ESR1: variants seen among roughly 807,000 people sequenced by gnomAD.
The protein encoded by ESR1 is estrogen receptor 1.
Under a neutral mutation model 52.7 loss-of-function variants are expected in ESR1, and 12 were observed. The ratio of observed to expected loss-of-function variants is 0.23; its 90% confidence interval spans 0.15 to 0.37. The LOEUF (loss-of-function observed/expected upper bound fraction) is 0.37. Ranked by LOEUF, ESR1 falls within the 10% of genes least tolerant of loss-of-function variation. The pLI is 1.00. For missense variants in ESR1, 584 were observed against 779.7 expected (o/e 0.75, Z 2.99); for synonymous variants, 305 against 316.8 (o/e 0.96, Z 0.39).
At chr6:151,848,230 A>G (rs1785516612) in intron 2 of ESR1, among the ~76,000 whole-genome samples, 1 of 106,444 alleles carries the variant, frequency 9.4e-6, no homozygotes, top group Admixed American at 9.6e-5. Context: ...TCGCAAGAAC[A>G]AAAAACCAAA....
intron 2 of ESR1, among the ~76,000 whole-genome samples, chr6:151,796,862 A>G (rs893374636): frequency 6.6e-6 from 1 of 152,220 alleles, no homozygotes; most frequent in Admixed American, 6.5e-5. Flanking sequence ...TTTGGAGTCA[A>G]CAGAAATCAT....
upstream of ESR1, among the ~76,000 whole-genome samples, chr6:151,801,612 T>C (rs374200248): frequency 6.6e-6 from 1 of 152,128 alleles, no homozygotes; most frequent in Non-Finnish European, 1.5e-5. Context: ...CTTGGAGAGA[T>C]AGTGGGAAAG....
intron 6 of ESR1, among the ~76,000 whole-genome samples, chr6:152,111,545 G>C (rs901771443): frequency 5.9e-5 from 9 of 152,226 alleles, no homozygotes; most frequent in Admixed American, 2.0e-4. Context: ...AGGTTTGTGA[G>C]CCGGTTAACA....
At chr6:151,672,245 A>G (rs1778088732) in intron 1 of ESR1, among the ~76,000 whole-genome samples, 1 of 152,136 alleles carries the variant, frequency 6.6e-6, no homozygotes, top group African/African-American at 2.4e-5. Context: ...GCCACATTGT[A>G]CCCAAAAATA....
chr6:152,069,770 GC>G (rs2048234388), intron 6 of ESR1, among the ~76,000 whole-genome samples: 1 of 136,994 alleles, frequency 7.3e-6, no homozygotes, highest in African/African-American at 3.3e-5. Flanking sequence ...AGGCAGTAAT[GC>G]TTCCTTGCCC....
At chr6:152,057,559 G>T (rs1043931905) in intron 5 of ESR1, among the ~76,000 whole-genome samples, 1 of 152,068 alleles carries the variant, frequency 6.6e-6, no homozygotes, top group Non-Finnish European at 1.5e-5. Context: ...TCAAAGTTCA[G>T]ATGTACACCA....
chr6:151,841,729 T>G (rs1411856518), intron 1 of ESR1, among the ~76,000 whole-genome samples: 4 of 152,166 alleles, frequency 2.6e-5, no homozygotes, highest in Non-Finnish European at 4.4e-5. Context: ...TACATTTTTT[T>G]TTTCTGTGTT....
chr6:151,808,361 A>T lies in ESR1; in HGVS notation c.449A>T (p.Tyr150Phe). The T allele has an allele frequency of 7.9e-7, 1 of 1,273,744 alleles. No individual in the cohort carries two copies. Among genetic ancestry groups the T allele is most frequent in the East Asian group, 5.0e-5 (1 of 20,092 alleles). 78.9% of individuals were successfully genotyped at this position (1,273,744 alleles called of 1,614,324 possible). A position where few individuals can be genotyped will look rare whatever the true frequency, so the allele number is the denominator to read the frequency against. The change falls in exon 1 of 8, where the codon TAC (tyrosine) becomes TTC (phenylalanine). Residue 150 changes from tyrosine (Y) to phenylalanine (F), a missense_variant. Tyr to Phe is a conservative substitution (Grantham distance 22). Transcript: ENST00000206249. Reference sequence around the variant, plus strand: ...CGCGAGGCCGGCCCGCCGGCATTCTACAGGTACCCGCGCCCGCGCCGCCCG... The same window carrying T: ...CGCGAGGCCGGCCCGCCGGCATTCTTCAGGTACCCGCGCCCGCGCCGCCCG... ...TVREAGPPAF[Y>F]RPNSDNRRQG...
At chr6:151,685,911 T>G (rs1474088545), upstream of ESR1, among the ~76,000 whole-genome samples, 1 of 152,150 alleles carries the variant, frequency 6.6e-6, no homozygotes, top group Non-Finnish European at 1.5e-5. Flanking sequence ...TTCAATTGCA[T>G]TTTTTCTTTT....
chr6:152,091,364 A>G (rs1358806729), intron 6 of ESR1, among the ~76,000 whole-genome samples: 1 of 152,230 alleles, frequency 6.6e-6, no homozygotes, highest in African/African-American at 2.4e-5. Context: ...GCATCTGCTG[A>G]CAAGGATGAG....
intron 5 of ESR1, among the ~76,000 whole-genome samples, chr6:152,013,217 C>T (rs1050909941): frequency 2.6e-5 from 4 of 151,878 alleles, no homozygotes; most frequent in Non-Finnish European, 4.4e-5. Flanking sequence ...CTCATTTCTC[C>T]TCTCTTTTCC....
At chr6:152,086,612 A>G (rs2049743137) in intron 6 of ESR1, among the ~76,000 whole-genome samples, 1 of 150,836 alleles carries the variant, frequency 6.6e-6, no homozygotes, top group Non-Finnish European at 1.5e-5. Context: ...TACTTTCTAG[A>G]ACATCTAGTA....
At chr6:151,804,555 G>A (rs888984906), upstream of ESR1, 6 of 151,006 alleles carry the variant, frequency 4.0e-5, no homozygotes, top group Admixed American at 3.3e-4. Context: ...TATGGAGAGA[G>A]CTCTCCTGTG....
chr6:152,002,222 G>GT (rs1562654907), intron 4 of ESR1, among the ~76,000 whole-genome samples: 66 of 148,748 alleles, frequency 4.4e-4, no homozygotes, highest in Middle Eastern at 3.4e-3. Flanking sequence ...GTGTGTGTGT[G>GT]GAATATCTCA....
chr6:152,086,845 G>A (rs1466709092), intron 6 of ESR1, among the ~76,000 whole-genome samples: 1 of 152,036 alleles, frequency 6.6e-6, no homozygotes, highest in South Asian at 2.1e-4. Context: ...ATACACACTA[G>A]TCTAACAATA....
chr6:151,682,282 G>A (rs1778490913), intron 1 of ESR1, among the ~76,000 whole-genome samples: 1 of 152,162 alleles, frequency 6.6e-6, no homozygotes, highest in Non-Finnish European at 1.5e-5. Context: ...AGAGGCTGAT[G>A]CTATTCCAGG....
intron 6 of ESR1, among the ~76,000 whole-genome samples, chr6:152,119,581 C>T (rs561427749): frequency 1.3e-5 from 2 of 152,308 alleles, no homozygotes; most frequent in African/African-American, 4.8e-5. Context: ...TGGATGGTCT[C>T]TTTATGCCCT....
chr6:152,004,030 T>C (rs539393014), intron 4 of ESR1, among the ~76,000 whole-genome samples: 65 of 152,198 alleles, frequency 4.3e-4, no homozygotes, highest in Middle Eastern at 3.4e-3. Flanking sequence ...TCTATAATTC[T>C]AAACCTTAAT....
intron 2 of ESR1, among the ~76,000 whole-genome samples, chr6:151,760,485 C>G (rs1410157058): frequency 6.6e-6 from 1 of 152,194 alleles, no homozygotes; most frequent in East Asian, 1.9e-4. Flanking sequence ...GTGTTTCCAT[C>G]TTGAGAGCCA....
Sources: gnomAD v4.1 joint callset for allele counts (sites outside exome capture counted in the v4.1 genomes callset) on GRCh38, gnomAD v4.1.1 for gene constraint, MANE v1.5 for transcripts, NCBI Gene and HGNC (gene_info 2026-07-23, HGNC 2026-07-21) for gene names.